Variants in POMT2 observed in about 807,000 individuals in gnomAD.
The protein encoded by POMT2 is protein O-mannosyl-transferase 2.
POMT2 carries 75 observed loss-of-function variants against 100.0 expected under a neutral mutation model. The observed-to-expected ratio is 0.75, with a 90% CI of 0.62 to 0.91. The LOEUF is 0.91. POMT2 is among the 40% of genes least tolerant of loss of function. The pLI is 0.00. For missense variants in POMT2, 940 were observed against 955.1 expected (o/e 0.98, Z 0.21); for synonymous variants, 378 against 374.1 (o/e 1.01, Z -0.12).
intron 9 of POMT2, among the ~76,000 whole-genome samples, chr14:77,295,631 C>CAAAAA (rs35870247): frequency 4.8e-5 from 4 of 83,250 alleles, no homozygotes; most frequent in South Asian, 4.2e-4. Flanking sequence ...GACTCCATCT[C>CAAAAA]AAAAAAAAAA....
intron 1 of POMT2, among the ~76,000 whole-genome samples, chr14:77,317,081 C>T (rs1891660372): frequency 6.6e-6 from 1 of 152,138 alleles, no homozygotes; most frequent in Non-Finnish European, 1.5e-5. Flanking sequence ...GTGGAAACAT[C>T]TACCATCATG....
At chr14:77,300,976 G>A (rs1891014321) in intron 6 of POMT2, 114 bp downstream of exon 6, 20 of 1,605,302 alleles carry the variant, frequency 1.2e-5, no homozygotes, top group Non-Finnish European at 1.5e-5. Flanking sequence ...GCCCACCTGG[G>A]ACCCAGAACA....
chr14:77,299,386 C>T (rs1890939695), intron 7 of POMT2, 69 bp downstream of exon 7: 9 of 1,377,086 alleles, frequency 6.5e-6, no homozygotes, highest in South Asian at 2.3e-5. Context: ...GAAAATCATC[C>T]GACCCCTCCA....
rs1013111512 is a variant in POMT2, at chr14:77,311,888, G to C, written c.333+61C>G. 9 of 1,588,742 alleles carry C rather than the reference G, an allele frequency of 5.7e-6. No individual in the cohort carries two copies. In the African/African-American group the frequency reaches 9.4e-5, roughly 17 times the overall value. ...GCCCCAAATCCAAAATCAAGATGTG[G>C]CTCCAGCCCTTAGGAACAATCCTCT... is the stretch of plus-strand genomic sequence containing the variant. On this transcript the variant is annotated intron_variant, in intron 2 of 20. Coordinates refer to ENST00000261534, the MANE Select transcript of POMT2 (RefSeq NM_013382.7).
chr14:77,295,856 G>A (rs554928804), intron 9 of POMT2, among the ~76,000 whole-genome samples: 15 of 151,918 alleles, frequency 9.9e-5, no homozygotes, highest in African/African-American at 1.5e-4. Flanking sequence ...AAGAGACGGC[G>A]GGAAGTAAGC....
intron 5 of POMT2, among the ~76,000 whole-genome samples, chr14:77,302,462 C>T (rs546932823): frequency 1.3e-5 from 2 of 152,234 alleles, no homozygotes; most frequent in South Asian, 2.1e-4. Flanking sequence ...AGCCCTGTCC[C>T]GGGATTTCCT....
rs571024654 is a variant in POMT2, at chr14:77,312,195, G to A, written c.249-162C>T. The A allele has an allele frequency of 1.8e-5, 23 of 1,246,608 alleles. No homozygotes were observed. The South Asian group carries it at 3.4e-4, about 18-fold the overall frequency. 77.2% of individuals were successfully genotyped at this position (1,246,608 alleles called of 1,614,324 possible). A position where few individuals can be genotyped will look rare whatever the true frequency, so the allele number is the denominator to read the frequency against. ...ATTTTGACACAAGTGATTTTAGGAA[G>A]AAAGACATCAAGCTGGCCACTGGTC... is the stretch of plus-strand genomic sequence containing the variant. On this transcript the variant is annotated intron_variant, in intron 1 of 20. Coordinates refer to ENST00000261534, the MANE Select transcript of POMT2 (RefSeq NM_013382.7).
chr14:77,302,529 C>G (rs761085032), intron 5 of POMT2, among the ~76,000 whole-genome samples: 6 of 152,096 alleles, frequency 3.9e-5, no homozygotes, highest in Admixed American at 2.0e-4. Flanking sequence ...CCCATGATAT[C>G]CCAAAACCCC....
At chr14:77,284,812 TAGAAAG>T in intron 14 of POMT2, 132 bp downstream of exon 14, 1 of 751,688 alleles carries the variant, frequency 1.3e-6, no homozygotes, top group Non-Finnish European at 2.3e-6. Flanking sequence ...AGACAACTCA[TAGAAAG>T]AGAGTGTTAA....
At chr14:77,284,483 C>A in intron 14 of POMT2, 1 of 210,090 alleles carries the variant, frequency 4.8e-6, no homozygotes, top group Non-Finnish European at 9.7e-6. Flanking sequence ...TGAGTTGAAG[C>A]TGACAACGCA....
Position 77,285,602 on chromosome 14 carries a change from G to T in POMT2, c.1363C>A (p.Arg455=), listed in dbSNP as rs398124261. The T allele has an allele frequency of 1.4e-5, 23 of 1,612,710 alleles. No homozygotes were observed. The highest frequency in any genetic ancestry group is 1.9e-5 in the Non-Finnish European group (22 of 1,178,990). The part of the protein sequence containing the change: ...NGTGDSNDFW[R]IEVVNRKFGN... Reference sequence around the variant, plus strand: ...AATTTCCTGTTTACGACCTCAATCCGCCAGAAATCATTTGAGTCCCCTGTT... The same window carrying T: ...AATTTCCTGTTTACGACCTCAATCCTCCAGAAATCATTTGAGTCCCCTGTT... The change falls in exon 13 of 21, where the codon CGG becomes AGG. Residue 455 remains arginine (R), a synonymous_variant. Coordinates refer to ENST00000261534, the MANE Select transcript of POMT2 (RefSeq NM_013382.7).
At chr14:77,279,421 G>A (rs1262698356) in intron 18 of POMT2, 1 of 424,830 alleles carries the variant, frequency 2.4e-6, no homozygotes, top group Non-Finnish European at 4.6e-6. Context: ...GAGAGGACAG[G>A]GCCATGGAAC....
At chr14:77,304,600 C>A in intron 4 of POMT2, 92 bp downstream of exon 4, 1 of 1,533,222 alleles carries the variant, frequency 6.5e-7, no homozygotes, top group Non-Finnish European at 8.8e-7. Flanking sequence ...ACTGGACCCA[C>A]ATATAGGGCC....
chr14:77,284,094 G>T (rs1890330360), intron 14 of POMT2: 1 of 573,682 alleles, frequency 1.7e-6, no homozygotes. Context: ...AGACAACAAG[G>T]TTTCACCTGC....
chr14:77,304,470 C>A (rs1376043914), intron 4 of POMT2, among the ~76,000 whole-genome samples: 1 of 152,150 alleles, frequency 6.6e-6, no homozygotes, highest in Non-Finnish European at 1.5e-5. Context: ...TTGGGATTAC[C>A]CACGCCGATT....
chr14:77,287,402 C>T (rs900840536), intron 11 of POMT2: 1 of 151,042 alleles, frequency 6.6e-6, no homozygotes, highest in Non-Finnish European at 1.5e-5. Context: ...AATTTAATTA[C>T]AATAAATTTT....
intron 11 of POMT2, chr14:77,287,907 A>T: frequency 6.6e-6 from 1 of 152,158 alleles, no homozygotes; most frequent in East Asian, 1.9e-4. Context: ...GTGAGGATCA[A>T]ATGGTAGTTC....
Position 77,277,348 on chromosome 14 carries a change from G to T in POMT2, c.*28C>A. 1 of 1,569,636 alleles carries T rather than the reference G, an allele frequency of 6.4e-7. No individual in the cohort carries two copies. Among genetic ancestry groups the T allele is most frequent in the Non-Finnish European group, 8.8e-7 (1 of 1,139,900 alleles). ...AGCTGGCTCTCCTGGGAAGTTCCTGGACCCAGGCTGGAATCTTTGCAGTGG... is the reference window on the plus strand; with the variant it reads ...AGCTGGCTCTCCTGGGAAGTTCCTGTACCCAGGCTGGAATCTTTGCAGTGG... On this transcript the variant is annotated 3_prime_UTR_variant, in exon 21 of 21. Coordinates refer to ENST00000261534, the MANE Select transcript of POMT2 (RefSeq NM_013382.7).
intron 4 of POMT2, 38 bp downstream of exon 4, chr14:77,304,654 C>G: frequency 6.4e-7 from 1 of 1,556,250 alleles, no homozygotes; most frequent in Non-Finnish European, 8.7e-7. Context: ...AGTGGCAGCC[C>G]ATTTCCCAAA....
Sources: gnomAD v4.1 joint callset for allele counts (sites outside exome capture counted in the v4.1 genomes callset) on GRCh38, gnomAD v4.1.1 for gene constraint, MANE v1.5 for transcripts, NCBI Gene and HGNC (gene_info 2026-07-23, HGNC 2026-07-21) for gene names.